The following GLIS3 variants were observed in gnomAD, a reference collection of about 807,000 sequenced individuals.
GLIS3 encodes zinc finger protein GLIS3.
Under a neutral mutation model 78.6 loss-of-function variants are expected in GLIS3, and 53 were observed. The ratio of observed to expected loss-of-function variants is 0.67; its 90% CI spans 0.54 to 0.85. The LOEUF (loss-of-function observed/expected upper bound fraction) is 0.85, where lower values mean the gene tolerates loss of function less well. GLIS3 is among the 40% of genes least tolerant of loss of function. GLIS3 has a pLI of 0.00. For synonymous variants in GLIS3, 684 were observed against 509.9 expected (o/e 1.34, Z -4.60); for missense variants, 1,703 against 1,231.1 (o/e 1.38, Z -5.74).
At chr9:4,434,378 G>A in the GLIS3 span, among the ~76,000 whole-genome samples, 5 of 152,012 alleles carry the variant, frequency 3.3e-5, no homozygotes, top group Non-Finnish European at 7.4e-5. Flanking sequence ...AGGTCAAAGT[G>A]GTACGTAAGA....
intron 2 of GLIS3, among the ~76,000 whole-genome samples, chr9:4,166,144 C>T (rs937021394): frequency 1.3e-5 from 2 of 152,206 alleles, no homozygotes; most frequent in South Asian, 4.1e-4. Context: ...TGGCACATCA[C>T]ATAATTGTTC....
chr9:4,184,574 T>G (rs751763170), intron 2 of GLIS3, among the ~76,000 whole-genome samples: 1 of 152,182 alleles, frequency 6.6e-6, no homozygotes, highest in East Asian at 1.9e-4. Context: ...GCAATAAGCA[T>G]GATCAATGTG....
chr9:4,439,677 T>G, the GLIS3 span, among the ~76,000 whole-genome samples: 1 of 152,150 alleles, frequency 6.6e-6, no homozygotes, highest in African/African-American at 2.4e-5. Flanking sequence ...TTGTTTTTGG[T>G]TTTTGTTCTT....
chr9:4,338,054 G>GTGTC (rs369659810), intron 2 of GLIS3, among the ~76,000 whole-genome samples: 2,859 of 150,134 alleles, frequency 0.019, 100 homozygotes, highest in African/African-American at 0.061. Context: ...GTGTGTGTGT[G>GTGTC]TGTGTGTGTT....
At chr9:3,946,365 T>TAA (rs753988349) in intron 4 of GLIS3, among the ~76,000 whole-genome samples, 1 of 152,234 alleles carries the variant, frequency 6.6e-6, no homozygotes, top group Non-Finnish European at 1.5e-5. Context: ...GAACTCCTTG[T>TAA]AAGAATGCAT....
chr9:4,089,346 AT>A (rs35675696), intron 4 of GLIS3, among the ~76,000 whole-genome samples: 97 of 115,574 alleles, frequency 8.4e-4, no homozygotes, highest in Middle Eastern at 4.2e-3. Context: ...AGTGGATAAC[AT>A]TTTTTTTTCC....
At chr9:3,892,926 C>T (rs1024789273) in intron 7 of GLIS3, among the ~76,000 whole-genome samples, 1 of 152,090 alleles carries the variant, frequency 6.6e-6, no homozygotes, top group Non-Finnish European at 1.5e-5. Context: ...TTCTCATGTG[C>T]CAGTTGATCA....
At chr9:4,119,654 C>A (rs1832033331) in intron 3 of GLIS3, among the ~76,000 whole-genome samples, 1 of 152,196 alleles carries the variant, frequency 6.6e-6, no homozygotes, top group Non-Finnish European at 1.5e-5. Context: ...GAACTCTCGT[C>A]CTTAAATCCA....
chr9:4,241,709 C>G (rs932463132), intron 2 of GLIS3, among the ~76,000 whole-genome samples: 1 of 152,084 alleles, frequency 6.6e-6, no homozygotes, highest in Admixed American at 6.5e-5. Context: ...TACAGTCTTG[C>G]TCTGTCTGGA....
intron 2 of GLIS3, among the ~76,000 whole-genome samples, chr9:4,126,259 G>T (rs927505195): frequency 2.6e-5 from 4 of 152,144 alleles, no homozygotes; most frequent in Admixed American, 6.6e-5. Flanking sequence ...AAGTAGATGG[G>T]ATTGCCTGTA....
intron 9 of GLIS3, among the ~76,000 whole-genome samples, chr9:3,854,693 C>T (rs979589625): frequency 8.3e-6 from 1 of 120,884 alleles, no homozygotes; most frequent in Admixed American, 9.2e-5. Context: ...CCCGCCGTCA[C>T]GCCTGGCTAA....
At chr9:4,317,783 G>C (rs192268439) in intron 2 of GLIS3, among the ~76,000 whole-genome samples, 148 of 152,250 alleles carry the variant, frequency 9.7e-4, no homozygotes, top group African/African-American at 3.4e-3. Context: ...TGTTCATTTT[G>C]TCTGGGACCT....
intron 4 of GLIS3, among the ~76,000 whole-genome samples, chr9:3,976,536 A>T (rs1265086099): frequency 3.3e-5 from 5 of 151,600 alleles, no homozygotes; most frequent in African/African-American, 1.2e-4. Flanking sequence ...TCTAAGTATG[A>T]GTAGGAAAAG....
Position 4,286,097 on chromosome 9 carries a change from T to TC in GLIS3, c.328_329insG (p.His110ArgfsTer72), listed in dbSNP as rs1446941312. 1.5e-5 allele frequency: 24 copies of TC among 1,613,438 alleles called. No homozygotes were observed. The highest frequency in any genetic ancestry group is 1.9e-5 in the Non-Finnish European group (23 of 1,179,604). On this transcript the variant is annotated frameshift_variant, in exon 2 of 11. Transcript: ENST00000381971. LOFTEE classifies it high-confidence loss of function. ...CTCCTGCTGCTTTGGCTTTAAAGTA[T>TC]GTGACCCTGACATGCCTCCAGCCTG...
chr9:4,255,554 C>G (rs181966166), intron 2 of GLIS3, among the ~76,000 whole-genome samples: 1 of 152,240 alleles, frequency 6.6e-6, no homozygotes, highest in African/African-American at 2.4e-5. Flanking sequence ...AGCTATCAAG[C>G]CATGACAAGA....
At chr9:4,173,246 G>A (rs757434395) in intron 2 of GLIS3, among the ~76,000 whole-genome samples, 1 of 152,124 alleles carries the variant, frequency 6.6e-6, no homozygotes, top group Non-Finnish European at 1.5e-5. Flanking sequence ...CCTTTTAAGT[G>A]GCTACATTTC....
intron 2 of GLIS3, among the ~76,000 whole-genome samples, chr9:4,279,306 A>C: frequency 1.2e-5 from 1 of 83,328 alleles, no homozygotes; most frequent in African/African-American, 7.2e-5. Flanking sequence ...TCAAAAAAAA[A>C]AAAAAAAAAT....
chr9:4,444,712 T>C, the GLIS3 span, among the ~76,000 whole-genome samples: 2 of 152,242 alleles, frequency 1.3e-5, no homozygotes, highest in African/African-American at 2.4e-5. Context: ...CTGGGGTATA[T>C]GGAACCAGTG....
At chr9:4,404,852 A>C in the GLIS3 span, among the ~76,000 whole-genome samples, 2 of 152,190 alleles carry the variant, frequency 1.3e-5, no homozygotes, top group Non-Finnish European at 2.9e-5. Flanking sequence ...GTAGAAGAAA[A>C]GAAATAATAA....
Sources: allele counts gnomAD v4.1 joint callset (sites outside exome capture counted in the v4.1 genomes callset), GRCh38; gene constraint gnomAD v4.1.1; transcripts MANE v1.5; gene names NCBI Gene and HGNC (gene_info 2026-07-23, HGNC 2026-07-21).